Variants in CRYBB3 observed in about 807,000 individuals in gnomAD.
The protein encoded by CRYBB3 is beta-crystallin B3.
Under a neutral mutation model 28.3 loss-of-function variants are expected in CRYBB3, and 35 were observed. The ratio of observed to expected loss-of-function variants is 1.24; its 90% CI spans 0.95 to 1.64. The LOEUF (loss-of-function observed/expected upper bound fraction) is 1.64. Among genes scored for constraint, CRYBB3 ranks in the 40% most tolerant of loss-of-function variants. The probability of loss-of-function intolerance (pLI) is 0.00; values close to 1 mark genes in which losing one functional copy is unlikely to be tolerated. For missense variants in CRYBB3, 296 were observed against 297.4 expected (o/e 1.00, Z 0.04); for synonymous variants, 106 against 110.4 (o/e 0.96, Z 0.25).
chr22:25,207,305 C>T lies in CRYBB3; in HGVS notation c.*93C>T, dbSNP rs1215281980. The T allele has an allele frequency of 2.7e-6, 3 of 1,114,528 alleles. No homozygotes were observed. The East Asian group carries it at 7.7e-5, about 29-fold the overall frequency. 69.0% of individuals were successfully genotyped at this position (1,114,528 alleles called of 1,614,324 possible). A position where few individuals can be genotyped will look rare whatever the true frequency, so the allele number is the denominator to read the frequency against. ...AGGGTTGGGGCGAGGGCCGACCTGTCCACCCTTCCCTGGAATCTGCTCAAT... is the reference window on the plus strand; with the variant it reads ...AGGGTTGGGGCGAGGGCCGACCTGTTCACCCTTCCCTGGAATCTGCTCAAT... On this transcript the variant is annotated 3_prime_UTR_variant, in exon 6 of 6. Coordinates refer to ENST00000215855, the MANE Select transcript of CRYBB3 (RefSeq NM_004076.5).
chr22:25,206,676 GCAGGAGTCTGGAGACATC>G (rs1411239696), intron 5 of CRYBB3, among the ~76,000 whole-genome samples: 1 of 152,154 alleles, frequency 6.6e-6, no homozygotes, highest in Non-Finnish European at 1.5e-5. Flanking sequence ...GATTCAGCCT[GCAGGAGTCTGGAGACATC>G]TAAATTGAGC....
chr22:25,207,307 A>G lies in CRYBB3; in HGVS notation c.*95A>G. The G allele has an allele frequency of 9.0e-7, 1 of 1,107,406 alleles. No individual in the cohort carries two copies. Among genetic ancestry groups the G allele is most frequent in the Non-Finnish European group, 1.3e-6 (1 of 782,410 alleles). The allele number at this position is 1,107,406 out of a possible 1,614,324, so 68.6% of individuals were successfully genotyped here. A position where few individuals can be genotyped will look rare whatever the true frequency, so the allele number is the denominator to read the frequency against. On this transcript the variant is annotated 3_prime_UTR_variant, in exon 6 of 6. Transcript: ENST00000215855. Reference sequence around the variant, plus strand: ...GGTTGGGGCGAGGGCCGACCTGTCCACCCTTCCCTGGAATCTGCTCAATAA... The same window carrying G: ...GGTTGGGGCGAGGGCCGACCTGTCCGCCCTTCCCTGGAATCTGCTCAATAA...
intron 3 of CRYBB3, 91 bp from the exon 4 acceptor site, chr22:25,203,672 G>A: frequency 1.4e-6 from 2 of 1,464,912 alleles, no homozygotes; most frequent in Admixed American, 1.7e-5. Flanking sequence ...CAAGGTTCAA[G>A]GTCAGCAGCT....
chr22:25,202,214 C>G (rs570922480), intron 2 of CRYBB3, among the ~76,000 whole-genome samples: 40 of 152,294 alleles, frequency 2.6e-4, no homozygotes, highest in Middle Eastern at 3.4e-3. Context: ...CCTTGGTCTG[C>G]CTTTGCAGCC....
chr22:25,205,448 A>C (rs751313738), intron 5 of CRYBB3, 86 bp downstream of exon 5: 92 of 1,407,310 alleles, frequency 6.5e-5, no homozygotes, highest in African/African-American at 5.9e-5. Context: ...ATAGTTTCTT[A>C]TTATTTTATT....
In CRYBB3 at chr22:25,202,608, A is replaced by AG. The variant is rs1264682653; in HGVS notation, c.76-64dup. On this transcript the variant is annotated intron_variant, in intron 2 of 5. Coordinates refer to ENST00000215855, the MANE Select transcript of CRYBB3 (RefSeq NM_004076.5). Reference sequence around the variant, plus strand: ...GAGGGTACCTCCCTCTAATGCCCAAAGGAGGGGCAGAGGCTGGAGCTGGGA... The same window carrying AG: ...GAGGGTACCTCCCTCTAATGCCCAAAGGGAGGGGCAGAGGCTGGAGCTGGGA... 9 of 1,609,444 alleles carry AG rather than the reference A, an allele frequency of 5.6e-6. No homozygotes were observed. In the East Asian group the frequency reaches 2.0e-4, roughly 36 times the overall value.
Position 25,205,291 on chromosome 22 carries a change from T to A in CRYBB3, c.399T>A (p.Asp133Glu). 6.2e-7 allele frequency: 1 copy of A among 1,614,062 alleles called. No individual in the cohort carries two copies. Among genetic ancestry groups the A allele is most frequent in the Non-Finnish European group, 8.5e-7 (1 of 1,180,018 alleles). ...AFSGRKMEIV[D>E]DDVPSLWAHG... ...GTGGCCGCAAGATGGAGATAGTGGATGATGACGTGCCCAGCCTGTGGGCTC... is the reference window on the plus strand; with the variant it reads ...GTGGCCGCAAGATGGAGATAGTGGAAGATGACGTGCCCAGCCTGTGGGCTC... Residue 133 changes from aspartate to glutamate, a missense_variant, in exon 5 of 6, where the codon GAT becomes GAA. By Grantham distance (45) the Asp-to-Glu change is conservative. Coordinates refer to ENST00000215855, the MANE Select transcript of CRYBB3 (RefSeq NM_004076.5).
chr22:25,200,468 AAAG>A (rs1474619910), intron 1 of CRYBB3, among the ~76,000 whole-genome samples: 1 of 151,966 alleles, frequency 6.6e-6, no homozygotes, highest in African/African-American at 2.4e-5. Flanking sequence ...AGAGAGAGAG[AAAG>A]AAGCTGTCCT....
In CRYBB3 at chr22:25,205,202, C is replaced by G. The variant is rs764210223; in HGVS notation, c.328-18C>G. The G allele has an allele frequency of 1.2e-6, 2 of 1,613,374 alleles. No homozygotes were observed. Among genetic ancestry groups the G allele is most frequent in the East Asian group, 4.5e-5 (2 of 44,846 alleles). On this transcript the variant is annotated intron_variant, in intron 4 of 5. Transcript: ENST00000215855. ...CTGGATATGGGAGCAGCCGCTCACC[C>G]CACGATATTGCCCTCAGGATAGTCC...
chr22:25,207,228 C>G lies in CRYBB3; in HGVS notation c.*16C>G, dbSNP rs1935051929. On this transcript the variant is annotated 3_prime_UTR_variant, in exon 6 of 6. Coordinates refer to ENST00000215855, the MANE Select transcript of CRYBB3 (RefSeq NM_004076.5). ...CAGCAGCTGAAAGGCACCCAGACTT[C>G]AAGGACCCAGACCCACCCTGGGGGG... is the stretch of plus-strand genomic sequence containing the variant. 1.2e-6 allele frequency: 2 copies of G among 1,609,958 alleles called. No individual in the cohort carries two copies. The highest frequency in any genetic ancestry group is 4.5e-5 in the East Asian group (2 of 44,804).
intron 1 of CRYBB3, 113 bp downstream of exon 1, chr22:25,200,022 G>C (rs558058216): frequency 1.3e-5 from 2 of 152,184 alleles, no homozygotes; most frequent in Non-Finnish European, 2.9e-5. Context: ...GAAAAACAGC[G>C]CCTCCCTTAA....
chr22:25,206,769 C>T (rs1361922098), intron 5 of CRYBB3, among the ~76,000 whole-genome samples: 1 of 151,962 alleles, frequency 6.6e-6, no homozygotes, highest in East Asian at 1.9e-4. Flanking sequence ...GTGTTCCAGG[C>T]AGAAGGAATC....
rs1601409721 is a variant in CRYBB3 at position 25,207,033 on chromosome 22, T to C, written c.471-14T>C. ...AAGCAGACCGTCCACATCTCAACCTTGGTCTCCCGGCAGGTGGGTTGGCTA... is the reference window on the plus strand; with the variant it reads ...AAGCAGACCGTCCACATCTCAACCTCGGTCTCCCGGCAGGTGGGTTGGCTA... On this transcript the variant is annotated splice_polypyrimidine_tract_variant and intron_variant, in intron 5 of 5. Coordinates refer to ENST00000215855, the MANE Select transcript of CRYBB3 (RefSeq NM_004076.5). 3 of 1,608,032 alleles carry C rather than the reference T, an allele frequency of 1.9e-6. No individual in the cohort carries two copies. The highest frequency in any genetic ancestry group is 1.7e-6 in the Non-Finnish European group (2 of 1,174,622).
Position 25,201,421 on chromosome 22 carries a change from G to C in CRYBB3, c.25G>C (p.Glu9Gln), listed in dbSNP as rs367616021. The change falls in exon 2 of 6, where the codon GAA becomes CAA. Residue 9 changes from glutamate to glutamine, a missense_variant. Transcript: ENST00000215855. MAEQHGAPEQAAAGKSHGD... is the reference protein window; with the variant it reads MAEQHGAPQQAAAGKSHGD... ...GATGGCGGAACAGCACGGAGCACCC[G>C]AACAGGCTGCAGCTGGCAAGAGCCA... The C allele has an allele frequency of 1.2e-6, 2 of 1,613,372 alleles. No homozygotes were observed. Among genetic ancestry groups the C allele is most frequent in the Non-Finnish European group, 1.7e-6 (2 of 1,179,604 alleles).
intron 4 of CRYBB3, 71 bp downstream of exon 4, chr22:25,203,966 C>A: frequency 1.3e-6 from 2 of 1,597,666 alleles, no homozygotes; most frequent in South Asian, 1.1e-5. Flanking sequence ...TCAGGCAGCT[C>A]ATTGCACAAG....
intron 5 of CRYBB3, 81 bp from the exon 6 acceptor site, chr22:25,206,966 C>T: frequency 2.0e-6 from 2 of 1,025,178 alleles, no homozygotes; most frequent in Non-Finnish European, 3.1e-6. Flanking sequence ...TGTAGGCAGG[C>T]AGAGTGCATG....
chr22:25,200,517 A>G (rs1446384044), intron 1 of CRYBB3, among the ~76,000 whole-genome samples: 2 of 152,102 alleles, frequency 1.3e-5, no homozygotes, highest in Non-Finnish European at 1.5e-5. Context: ...GATAGTGACC[A>G]TAGAAACTTT....
chr22:25,200,745 C>T (rs1019911393), intron 1 of CRYBB3, among the ~76,000 whole-genome samples: 9 of 152,108 alleles, frequency 5.9e-5, no homozygotes, highest in East Asian at 1.9e-4. Flanking sequence ...AGTAACCGAA[C>T]GCAGGGAAAC....
chr22:25,202,801 C>G lies in CRYBB3; in HGVS notation c.194+9C>G. 6.2e-7 allele frequency: 1 copy of G among 1,613,486 alleles called. No homozygotes were observed. The highest frequency in any genetic ancestry group is 1.3e-5 in the African/African-American group (1 of 75,046). On this transcript the variant is annotated intron_variant, in intron 3 of 5. Coordinates refer to ENST00000215855, the MANE Select transcript of CRYBB3 (RefSeq NM_004076.5). ...CAAGTGGAGTCCGGGCCGTGAGTAC[C>G]TAGACCCCCAGTCCCTCGCCACAGC...
Sources: gnomAD v4.1 joint callset for allele counts (sites outside exome capture counted in the v4.1 genomes callset) on GRCh38, gnomAD v4.1.1 for gene constraint, MANE v1.5 for transcripts, NCBI Gene and HGNC (gene_info 2026-07-23, HGNC 2026-07-21) for gene names.